TRIM2: variants seen among roughly 807,000 people sequenced by gnomAD.
TRIM2 encodes the protein tripartite motif containing 2, also known as tripartite motif-containing protein 2.
In TRIM2, 20 loss-of-function variants were observed where a neutral mutation model predicts 75.2. That is an observed-to-expected ratio of 0.27 (90% CI 0.19 to 0.39). TRIM2 has a LOEUF of 0.39. Among genes scored for constraint, TRIM2 ranks in the 10% least tolerant of loss-of-function variants. The probability of loss-of-function intolerance (pLI) is 1.00; values close to 1 mark genes in which losing one functional copy is unlikely to be tolerated. For synonymous variants in TRIM2, 373 were observed against 388.3 expected (o/e 0.96, Z 0.46); for missense variants, 660 against 990.8 (o/e 0.67, Z 4.48).
At chr4:153,217,016 T>C (rs1405220979) in intron 1 of TRIM2, among the ~76,000 whole-genome samples, 1 of 152,216 alleles carries the variant, frequency 6.6e-6, no homozygotes, top group African/African-American at 2.4e-5. Context: ...AGATGAACTT[T>C]TATTTCTCCC....
At chr4:153,244,364 T>TTCC (rs1560874468) in intron 1 of TRIM2, among the ~76,000 whole-genome samples, 15 of 30,714 alleles carry the variant, frequency 4.9e-4, no homozygotes, top group East Asian at 3.4e-3. Context: ...CCTCTTCTTC[T>TTCC]TCTTCTTCTT....
At chr4:153,174,790 G>T (rs1019106382) in intron 1 of TRIM2, among the ~76,000 whole-genome samples, 3 of 152,178 alleles carry the variant, frequency 2.0e-5, no homozygotes, top group African/African-American at 7.2e-5. Context: ...CCTAGTTCTT[G>T]CCATAAAGAC....
In TRIM2 at chr4:153,295,251, A is replaced by C; in HGVS notation, c.787-62A>C. On this transcript the variant is annotated intron_variant, in intron 5 of 11. Transcript: ENST00000338700. The surrounding 1 kb of genome is among the most constrained non-coding windows in gnomAD (Gnocchi z 7.2). ...AGTCTCCTTCTCGCCGGTGGAGGGCACTGCCCCGGGCTAGGCCCCGCCCTG... is the reference window on the plus strand; with the variant it reads ...AGTCTCCTTCTCGCCGGTGGAGGGCCCTGCCCCGGGCTAGGCCCCGCCCTG... The C allele has an allele frequency of 2.7e-6, 4 of 1,473,026 alleles. No individual in the cohort carries two copies. Among genetic ancestry groups the C allele is most frequent in the Non-Finnish European group, 3.6e-6 (4 of 1,112,060 alleles). The allele number at this position is 1,473,026 out of a possible 1,614,324, so 91.2% of individuals were successfully genotyped here. A position where few individuals can be genotyped will look rare whatever the true frequency, so the allele number is the denominator to read the frequency against.
At chr4:153,257,805 G>A in intron 1 of TRIM2, 1 of 352,576 alleles carries the variant, frequency 2.8e-6, no homozygotes, top group Admixed American at 3.5e-5. Context: ...TATTGTGCCA[G>A]GTGGATAACT....
chr4:153,273,813 T>C (rs4696448), intron 2 of TRIM2, among the ~76,000 whole-genome samples: 63,223 of 152,074 alleles, frequency 0.42, 16,139 homozygotes, highest in African/African-American at 0.73. Context: ...TGCCCTAATC[T>C]GGGAAGGCTT....
chr4:153,213,500 T>G (rs1346972032), intron 1 of TRIM2, among the ~76,000 whole-genome samples: 1 of 152,196 alleles, frequency 6.6e-6, no homozygotes. Flanking sequence ...TAATTTAATC[T>G]TTGTAGCAAT....
intron 1 of TRIM2, among the ~76,000 whole-genome samples, chr4:153,237,112 G>C (rs1745240528): frequency 6.6e-6 from 1 of 152,140 alleles, no homozygotes; most frequent in Non-Finnish European, 1.5e-5. Context: ...AGATTTGGTT[G>C]TGCTTTCTGC....
chr4:153,294,258 A>G (rs961928982), intron 4 of TRIM2, 47 bp from the exon 5 acceptor site: 1 of 1,585,400 alleles, frequency 6.3e-7, no homozygotes, highest in Non-Finnish European at 8.6e-7. Flanking sequence ...ATTTTGGAAT[A>G]TTTCTGGGTT....
intron 2 of TRIM2, among the ~76,000 whole-genome samples, chr4:153,274,848 C>T (rs187864595): frequency 3.9e-5 from 6 of 152,290 alleles, no homozygotes; most frequent in East Asian, 1.9e-4. Flanking sequence ...TGGATTCAGA[C>T]GTCGTTAATG....
intron 3 of TRIM2, among the ~76,000 whole-genome samples, chr4:153,282,536 A>G (rs1245888585): frequency 6.6e-6 from 1 of 152,242 alleles, no homozygotes; most frequent in Non-Finnish European, 1.5e-5. Context: ...CTACAAAAGT[A>G]AATAAATACA....
chr4:153,270,544 A>T, intron 2 of TRIM2, 25 bp downstream of exon 2: 1 of 1,575,698 alleles, frequency 6.3e-7, no homozygotes, highest in Non-Finnish European at 8.6e-7. Context: ...TGCTTGGAGA[A>T]GGGAGTTTCG....
intron 6 of TRIM2, among the ~76,000 whole-genome samples, chr4:153,312,183 C>T (rs1355718062): frequency 5.3e-5 from 8 of 149,918 alleles, no homozygotes; most frequent in South Asian, 2.1e-4. Context: ...TTTGTTCTTG[C>T]GATAGTTTAC....
At chr4:153,245,965 C>T (rs1159422045) in intron 1 of TRIM2, among the ~76,000 whole-genome samples, 2 of 152,202 alleles carry the variant, frequency 1.3e-5, no homozygotes, top group Non-Finnish European at 2.9e-5. Context: ...AGGCATGAGG[C>T]ACCACACCCA....
chr4:153,153,605 C>T (rs991792307), intron 1 of TRIM2, among the ~76,000 whole-genome samples: 3 of 152,242 alleles, frequency 2.0e-5, no homozygotes, highest in African/African-American at 7.2e-5. Context: ...CCGATCTTTC[C>T]GGCCCTTTTT....
intron 1 of TRIM2, among the ~76,000 whole-genome samples, chr4:153,258,463 A>G (rs1050381561): frequency 6.6e-6 from 1 of 151,488 alleles, no homozygotes; most frequent in African/African-American, 2.4e-5. Flanking sequence ...AACAGTGGGG[A>G]TTATTTTTGT....
intron 1 of TRIM2, among the ~76,000 whole-genome samples, chr4:153,258,010 CTT>C (rs1369887439): frequency 5.9e-5 from 9 of 152,254 alleles, no homozygotes; most frequent in Middle Eastern, 3.4e-3. Flanking sequence ...TTTTACCAGT[CTT>C]TATTTTAGTG....
chr4:153,238,578 C>G (rs549100558), intron 1 of TRIM2, among the ~76,000 whole-genome samples: 1 of 152,068 alleles, frequency 6.6e-6, no homozygotes, highest in African/African-American at 2.4e-5. Context: ...AAAGGTATAA[C>G]GGTTTAAGAA....
At chr4:153,200,767 G>A (rs1379961052), upstream of TRIM2, among the ~76,000 whole-genome samples, 1 of 144,500 alleles carries the variant, frequency 6.9e-6, no homozygotes, top group South Asian at 2.2e-4. Flanking sequence ...CCTAGTAGGT[G>A]TAAAGTGGCA....
At chr4:153,333,914 G>A (rs904595960) in intron 11 of TRIM2, among the ~76,000 whole-genome samples, 1 of 152,042 alleles carries the variant, frequency 6.6e-6, no homozygotes, top group Admixed American at 6.6e-5. Flanking sequence ...GAAGATTTTG[G>A]TATCAGTCTC....
Sources: gnomAD v4.1 joint callset for allele counts (sites outside exome capture counted in the v4.1 genomes callset) on GRCh38, gnomAD v4.1.1 for gene constraint, Gnocchi (gnomAD v3.1) non-coding constraint, MANE v1.5 for transcripts, NCBI Gene and HGNC (gene_info 2026-07-23, HGNC 2026-07-21) for gene names.